The following ATPSCKMT variants were observed in gnomAD, a reference collection of about 807,000 sequenced individuals.
The protein encoded by ATPSCKMT is ATP synthase c subunit lysine N-methyltransferase.
Under a neutral mutation model 24.3 loss-of-function variants are expected in ATPSCKMT, and 24 were observed. The ratio of observed to expected loss-of-function variants is 0.99; its 90% CI spans 0.71 to 1.39. ATPSCKMT has a LOEUF of 1.39. ATPSCKMT is among the 40% of genes most tolerant of loss of function. ATPSCKMT has a pLI of 0.00. For missense variants in ATPSCKMT, 311 were observed against 298.4 expected, an observed-to-expected ratio of 1.04 and a Z score of -0.31; for synonymous variants, 95 against 110.5, an observed-to-expected ratio of 0.86 and a Z score of 0.88.
intron 2 of ATPSCKMT, among the ~76,000 whole-genome samples, chr5:10,238,267 T>C (rs2126445881): frequency 6.6e-6 from 1 of 152,242 alleles, no homozygotes; most frequent in Admixed American, 6.5e-5. Flanking sequence ...ATGTGTATCT[T>C]AACACAATTT....
At chr5:10,249,729 G>A in intron 1 of ATPSCKMT, 129 bp downstream of exon 1, 2 of 1,389,590 alleles carry the variant, frequency 1.4e-6, no homozygotes, top group Non-Finnish European at 1.9e-6. Flanking sequence ...AGGCCAGGCT[G>A]GAGGCCAGAG....
At chr5:10,228,720 C>T (rs1286216567) in intron 4 of ATPSCKMT, among the ~76,000 whole-genome samples, 1 of 151,950 alleles carries the variant, frequency 6.6e-6, no homozygotes, top group African/African-American at 2.4e-5. Flanking sequence ...AGATTTATCG[C>T]CCAGGCTGGA....
At chr5:10,240,852 G>A (rs145321321) in intron 1 of ATPSCKMT, among the ~76,000 whole-genome samples, 4,487 of 151,900 alleles carry the variant, frequency 0.03, 106 homozygotes, top group South Asian at 0.048. Context: ...AAAATTAGCC[G>A]GGCGTGGTGG....
chr5:10,236,709 T>C, intron 2 of ATPSCKMT, 94 bp from the exon 3 acceptor site: 1 of 1,532,974 alleles, frequency 6.5e-7, no homozygotes. Context: ...GGTTTAAACA[T>C]CCAATCAAAA....
In ATPSCKMT at chr5:10,225,809, G is replaced by C. The variant is rs1743852553; in HGVS notation, c.*1632C>G. On this transcript the variant is annotated 3_prime_UTR_variant, in exon 5 of 5. Transcript: ENST00000511437. ...ACCAGGAACACTTCTAGAAAATGTTGAACACCTCCGAGGCCCCACAGAACC... is the reference window on the plus strand; with the variant it reads ...ACCAGGAACACTTCTAGAAAATGTTCAACACCTCCGAGGCCCCACAGAACC... Among the ~76,000 whole-genome samples, 1 of 152,002 alleles carries C rather than the reference G, an allele frequency of 6.6e-6. No individual in the cohort carries two copies. The highest frequency in any genetic ancestry group is 2.4e-5 in the African/African-American group (1 of 41,338).
chr5:10,238,883 A>T (rs572321795), intron 2 of ATPSCKMT, among the ~76,000 whole-genome samples, 184 bp downstream of exon 2: 1 of 152,330 alleles, frequency 6.6e-6, no homozygotes, highest in African/African-American at 2.4e-5. Flanking sequence ...GAACAAATTA[A>T]ATCTGGGAAA....
At chr5:10,238,196 G>A (rs1744461979) in intron 2 of ATPSCKMT, among the ~76,000 whole-genome samples, 1 of 151,968 alleles carries the variant, frequency 6.6e-6, no homozygotes, top group African/African-American at 2.4e-5. Flanking sequence ...ACGGCAACGT[G>A]AATATGCTTC....
rs186730089 is a variant in ATPSCKMT, at chr5:10,245,924, G to T, written c.16+3934C>A. Among the ~76,000 whole-genome samples, 22 of 152,208 alleles carry T rather than the reference G, an allele frequency of 1.4e-4. No individual in the cohort carries two copies. The East Asian group carries it at 3.1e-3, about 21-fold the overall frequency. The stretch of plus-strand genomic sequence containing the variant: ...GGGGCTCAATTTTTAACAGCTTTGA[G>T]ATATAATTCATATACATACAATTTG... On this transcript the variant is annotated intron_variant, in intron 1 of 4. Transcript: ENST00000511437.
intron 1 of ATPSCKMT, among the ~76,000 whole-genome samples, chr5:10,245,985 T>C (rs1744904072): frequency 6.6e-6 from 1 of 152,234 alleles, no homozygotes; most frequent in South Asian, 2.1e-4. Flanking sequence ...TTTCTTTTTA[T>C]ATTCAGATAC....
chr5:10,249,887 A>T lies in ATPSCKMT; in HGVS notation c.-14T>A. Reference sequence around the variant, plus strand: ...TCCTCCCTCCATCGCGAGATTTCCAACAGCGTTTTTAAAAAAAAAAAAAAA... The same window carrying T: ...TCCTCCCTCCATCGCGAGATTTCCATCAGCGTTTTTAAAAAAAAAAAAAAA... On this transcript the variant is annotated 5_prime_UTR_variant, in exon 1 of 5. In the 5' UTR this introduces an upstream ATG that the reference lacks. Transcript: ENST00000511437. The T allele has an allele frequency of 7.5e-7, 1 of 1,338,042 alleles. No homozygotes were observed. Among genetic ancestry groups the T allele is most frequent in the Non-Finnish European group, 9.7e-7 (1 of 1,025,862 alleles). The allele number at this position is 1,338,042 out of a possible 1,614,324, so 82.9% of individuals were successfully genotyped here.
intron 1 of ATPSCKMT, 59 bp downstream of exon 1, chr5:10,249,799 C>G (rs1053669585): frequency 1.3e-6 from 2 of 1,532,044 alleles, no homozygotes; most frequent in Non-Finnish European, 1.7e-6. Context: ...CGCGAGCCCC[C>G]GGCCCGCCCG....
chr5:10,237,291 T>C (rs1744419228), intron 2 of ATPSCKMT, among the ~76,000 whole-genome samples: 1 of 152,234 alleles, frequency 6.6e-6, no homozygotes, highest in Non-Finnish European at 1.5e-5. Context: ...TCCCAAGTAC[T>C]ACAGTGCTGC....
At chr5:10,227,676 T>G in intron 4 of ATPSCKMT, 29 bp from the exon 5 acceptor site, 2 of 1,607,264 alleles carry the variant, frequency 1.2e-6, no homozygotes, top group Non-Finnish European at 1.7e-6. Context: ...ATTATTTTAG[T>G]GAGCAGTGAG....
chr5:10,236,616 C>A lies in ATPSCKMT; in HGVS notation c.307-1G>T. ...ACCCTTTCTTCGCAGCCGCTATGAC[C>A]TGTGGAGAGAGGCAGGATTTATTCA... On this transcript the variant is annotated splice_acceptor_variant, in intron 2 of 4. Coordinates refer to ENST00000511437, the MANE Select transcript of ATPSCKMT (RefSeq NM_199133.4). LOFTEE classifies it high-confidence loss of function. The A allele has an allele frequency of 6.2e-7, 1 of 1,612,628 alleles. No individual in the cohort carries two copies. Among genetic ancestry groups the A allele is most frequent in the Non-Finnish European group, 8.5e-7 (1 of 1,179,550 alleles).
chr5:10,245,311 T>C (rs555439060), intron 1 of ATPSCKMT, among the ~76,000 whole-genome samples: 2 of 152,174 alleles, frequency 1.3e-5, no homozygotes, highest in South Asian at 4.2e-4. Context: ...TCCCAGCTAC[T>C]TGAAAGGCTG....
At chr5:10,237,606 C>T (rs1744431348) in intron 2 of ATPSCKMT, among the ~76,000 whole-genome samples, 1 of 151,950 alleles carries the variant, frequency 6.6e-6, no homozygotes, top group African/African-American at 2.4e-5. Context: ...TAAGACATGA[C>T]TTGCTCCTCC....
intron 4 of ATPSCKMT, among the ~76,000 whole-genome samples, chr5:10,228,569 T>C (rs1743986835): frequency 2.0e-5 from 3 of 152,226 alleles, no homozygotes; most frequent in Admixed American, 2.0e-4. Context: ...CTTCACATCC[T>C]AAAAATAATT....
At chr5:10,249,823 GC>G (rs2126483658) in intron 1 of ATPSCKMT, 34 bp downstream of exon 1, 2 of 1,129,116 alleles carry the variant, frequency 1.8e-6, no homozygotes, top group Non-Finnish European at 2.4e-6. Context: ...CCCTTCTCAT[GC>G]CCCCAGGAAC....
At chr5:10,229,548 G>A (rs1744031891) in intron 4 of ATPSCKMT, among the ~76,000 whole-genome samples, 1 of 151,984 alleles carries the variant, frequency 6.6e-6, no homozygotes. Flanking sequence ...GTAGTTTGTG[G>A]GGAGATGCTT....
Sources: allele counts gnomAD v4.1 joint callset (sites outside exome capture counted in the v4.1 genomes callset), GRCh38; gene constraint gnomAD v4.1.1; transcripts MANE v1.5; gene names NCBI Gene and HGNC (gene_info 2026-07-23, HGNC 2026-07-21).